Variants in GABRA2 observed in about 807,000 individuals in gnomAD.
The protein encoded by GABRA2 is gamma-aminobutyric acid type A receptor subunit alpha2.
GABRA2 carries 16 observed loss-of-function variants against 48.7 expected under a neutral mutation model. That is an observed-to-expected ratio of 0.33 (90% CI 0.22 to 0.50). The LOEUF (loss-of-function observed/expected upper bound fraction) is 0.50, where lower values mean the gene tolerates loss of function less well. Among genes scored for constraint, GABRA2 ranks in the 20% least tolerant of loss-of-function variants. The pLI is 0.98. For missense variants in GABRA2, 275 were observed against 535.6 expected, an observed-to-expected ratio of 0.51 and a Z score of 4.80; for synonymous variants, 185 against 184.5, an observed-to-expected ratio of 1.00 and a Z score of -0.02.
chr4:46,389,931 C>G lies in GABRA2; in HGVS notation c.-207G>C. 1 of 985,754 alleles carries G rather than the reference C, an allele frequency of 1.0e-6. No homozygotes were observed. Among genetic ancestry groups the G allele is most frequent in the Non-Finnish European group, 1.2e-6 (1 of 831,554 alleles). The allele number at this position is 985,754 out of a possible 1,614,324, so 61.1% of individuals were successfully genotyped here. A position where few individuals can be genotyped will look rare whatever the true frequency, so the allele number is the denominator to read the frequency against. ...GGAAGCCGGAGAGGAGCGCTAGGAG[C>G]CGCGGCGGCGGCGCGAGGTGTAGAA... On this transcript the variant is annotated 5_prime_UTR_variant, in exon 1 of 10. Transcript: ENST00000381620.
chr4:46,371,032 TCA>T (rs1714804428), intron 3 of GABRA2, among the ~76,000 whole-genome samples: 1 of 152,122 alleles, frequency 6.6e-6, no homozygotes, highest in Non-Finnish European at 1.5e-5. Context: ...TAGTCCAAGA[TCA>T]CACAGCTTTT....
intron 8 of GABRA2, among the ~76,000 whole-genome samples, chr4:46,269,984 T>C (rs1208895819): frequency 6.6e-6 from 1 of 151,942 alleles, no homozygotes; most frequent in Non-Finnish European, 1.5e-5. Context: ...ATGGTTGCAC[T>C]AATACTGATT....
At chr4:46,353,808 G>C (rs1266612978) in intron 3 of GABRA2, among the ~76,000 whole-genome samples, 1 of 151,882 alleles carries the variant, frequency 6.6e-6, no homozygotes, top group African/African-American at 2.4e-5. Flanking sequence ...TTATTTCCCT[G>C]CTCTTATTTA....
chr4:46,302,386 C>G (rs1725899638), intron 8 of GABRA2: 1 of 152,106 alleles, frequency 6.6e-6, no homozygotes, highest in African/African-American at 2.4e-5. Flanking sequence ...GTACTAATAT[C>G]TTTAATAATC....
chr4:46,331,198 C>T (rs1272491487), intron 4 of GABRA2, among the ~76,000 whole-genome samples: 1 of 152,126 alleles, frequency 6.6e-6, no homozygotes, highest in Admixed American at 6.6e-5. Context: ...AAAATAAAAG[C>T]ACTTAAATCT....
At chr4:46,369,134 T>C (rs774593472) in intron 3 of GABRA2, 56 of 605,624 alleles carry the variant, frequency 9.2e-5, no homozygotes, top group Non-Finnish European at 1.5e-4. Context: ...AACGTTTCCT[T>C]GGGGCAGCAC....
intron 8 of GABRA2, among the ~76,000 whole-genome samples, chr4:46,290,986 C>T (rs770240332): frequency 1.3e-5 from 2 of 151,974 alleles, no homozygotes; most frequent in East Asian, 3.9e-4. Flanking sequence ...ATTTACATTG[C>T]TTGTGTTTTG....
At chr4:46,329,485 G>A (rs1167231703) in intron 4 of GABRA2, among the ~76,000 whole-genome samples, 1 of 152,060 alleles carries the variant, frequency 6.6e-6, no homozygotes, top group Non-Finnish European at 1.5e-5. Flanking sequence ...TTCACCACCA[G>A]TAGCTGCACG....
intron 8 of GABRA2, among the ~76,000 whole-genome samples, chr4:46,301,160 A>C (rs921986452): frequency 3.3e-5 from 5 of 152,096 alleles, no homozygotes; most frequent in Non-Finnish European, 5.9e-5. Flanking sequence ...ACTCAATAAT[A>C]ATAAAGAAGG....
chr4:46,251,388 AAAC>A (rs1301260535), intron 9 of GABRA2, among the ~76,000 whole-genome samples: 8 of 151,490 alleles, frequency 5.3e-5, no homozygotes, highest in Admixed American at 3.3e-4. Context: ...CTTAGAATGA[AAAC>A]AACATTTTTT....
At chr4:46,338,876 G>T (rs1353625809) in intron 3 of GABRA2, among the ~76,000 whole-genome samples, 2 of 151,892 alleles carry the variant, frequency 1.3e-5, no homozygotes, top group Non-Finnish European at 2.9e-5. Context: ...GAAGTAGAAA[G>T]GTTGGACCAG....
intron 8 of GABRA2, 130 bp from the exon 9 acceptor site, chr4:46,262,258 A>T (rs1009841363): frequency 1.7e-6 from 1 of 589,238 alleles, no homozygotes; most frequent in Non-Finnish European, 3.0e-6. Context: ...TAATAAATAA[A>T]TGAATAAATA....
chr4:46,350,620 A>G (rs1252923511), intron 3 of GABRA2, among the ~76,000 whole-genome samples: 2 of 151,798 alleles, frequency 1.3e-5, no homozygotes, highest in Non-Finnish European at 2.9e-5. Context: ...TAATTATACC[A>G]CTTTATCTTA....
intron 4 of GABRA2, among the ~76,000 whole-genome samples, chr4:46,330,903 A>T (rs1370363057): frequency 6.6e-6 from 1 of 152,060 alleles, no homozygotes; most frequent in East Asian, 1.9e-4. Context: ...TGTCTCTAAC[A>T]TTTGGGAACA....
At chr4:46,264,828 G>A (rs1453063644) in intron 8 of GABRA2, among the ~76,000 whole-genome samples, 1 of 151,454 alleles carries the variant, frequency 6.6e-6, no homozygotes, top group African/African-American at 2.4e-5. Flanking sequence ...TTTCTTAATT[G>A]GAAGATTTTG....
chr4:46,300,060 G>A (rs112687096), intron 8 of GABRA2, among the ~76,000 whole-genome samples: 2,373 of 152,012 alleles, frequency 0.016, 65 homozygotes, highest in African/African-American at 0.054. Context: ...ATTAATAATA[G>A]TAATAATGAT....
At chr4:46,355,367 T>C (rs1178286912) in intron 3 of GABRA2, among the ~76,000 whole-genome samples, 1 of 152,154 alleles carries the variant, frequency 6.6e-6, no homozygotes, top group African/African-American at 2.4e-5. Context: ...CTCCAACAGA[T>C]TGTGTTTCTA....
At chr4:46,336,969 G>A (rs1732342562) in intron 3 of GABRA2, among the ~76,000 whole-genome samples, 1 of 151,694 alleles carries the variant, frequency 6.6e-6, no homozygotes, top group Non-Finnish European at 1.5e-5. Context: ...TTTTTTGCTG[G>A]GAAATGTAGT....
intron 3 of GABRA2, among the ~76,000 whole-genome samples, chr4:46,339,959 T>C (rs1732934716): frequency 6.6e-6 from 1 of 151,866 alleles, no homozygotes; most frequent in Admixed American, 6.6e-5. Flanking sequence ...CAAACAAAAC[T>C]AATTTTCCTC....
Sources: gnomAD v4.1 joint callset for allele counts (sites outside exome capture counted in the v4.1 genomes callset) on GRCh38, gnomAD v4.1.1 for gene constraint, MANE v1.5 for transcripts, NCBI Gene and HGNC (gene_info 2026-07-23, HGNC 2026-07-21) for gene names.